Variants in MITF observed in about 807,000 individuals in gnomAD.
MITF encodes melanocyte inducing transcription factor.
MITF carries 17 observed loss-of-function variants against 60.5 expected under a neutral mutation model. That is an observed-to-expected ratio of 0.28 (90% CI 0.19 to 0.42). MITF has a LOEUF of 0.42. MITF is among the 10% of genes least tolerant of loss of function. MITF has a pLI of 1.00. For missense variants in MITF, 622 were observed against 683.5 expected (o/e 0.91, Z 1.00); for synonymous variants, 260 against 248.5 (o/e 1.05, Z -0.43).
intron 8 of MITF, among the ~76,000 whole-genome samples, chr3:69,958,573 TAAA>T (rs540808056): frequency 7.0e-6 from 1 of 142,820 alleles, no homozygotes; most frequent in African/African-American, 2.6e-5. Flanking sequence ...AATCCTTGAT[TAAA>T]AAAAAAAAAA....
At chr3:69,831,536 A>G (rs1373458220) in intron 1 of MITF, among the ~76,000 whole-genome samples, 1 of 152,184 alleles carries the variant, frequency 6.6e-6, no homozygotes, top group Admixed American at 6.5e-5. Context: ...TGGGTCCTCA[A>G]GACATATTTC....
rs1207755717 is a variant in MITF at position 69,739,613 on chromosome 3, G to A, written c.16G>A (p.Gly6Arg). 4 of 1,578,190 alleles carry A rather than the reference G, an allele frequency of 2.5e-6. No individual in the cohort carries two copies. Among genetic ancestry groups the A allele is most frequent in the Non-Finnish European group, 3.4e-6 (4 of 1,160,204 alleles). The change falls in exon 1 of 10, where the codon GGG (glycine) becomes AGG (arginine). Residue 6 changes from glycine (G) to arginine (R), a missense_variant. By Grantham distance (125) the Gly-to-Arg change is moderately radical. Around this residue, in one of 5 missense-constraint regions of MITF, gnomAD observed 149 missense variants for 157.8 expected, o/e 0.94. Transcript: ENST00000352241. MQSES[G>R]IVPDFEVGEE... ...AGCGGGAGCCATGCAGTCCGAATCG[G>A]GGATCGTGCCGGATTTCGAAGTCGG...
At chr3:69,842,152 T>G (rs2063649307) in intron 1 of MITF, among the ~76,000 whole-genome samples, 1 of 152,146 alleles carries the variant, frequency 6.6e-6, no homozygotes, top group Non-Finnish European at 1.5e-5. Flanking sequence ...CAAATAAGAT[T>G]TTATGTAAAA....
chr3:69,938,502 A>G, intron 3 of MITF: 1 of 1,459,492 alleles, frequency 6.9e-7, no homozygotes, highest in Non-Finnish European at 9.0e-7. Flanking sequence ...TTGGGGGAAG[A>G]AAGAATGGAA....
At chr3:69,938,695 C>T in intron 3 of MITF, 1 of 1,300,344 alleles carries the variant, frequency 7.7e-7, no homozygotes, top group Non-Finnish European at 9.8e-7. Flanking sequence ...TCAAAATTTG[C>T]AGCATACAAA....
rs745635782 is a variant in MITF at position 69,949,173 on chromosome 3, A to G, written c.880+5A>G. ...ACATAAAAAGGGAGCTCACAGGTAAACACCTAGTAAATGTGCCTCTTACTG... is the reference window on the plus strand; with the variant it reads ...ACATAAAAAGGGAGCTCACAGGTAAGCACCTAGTAAATGTGCCTCTTACTG... On this transcript the variant is annotated splice_donor_5th_base_variant and intron_variant, in intron 6 of 9. Coordinates refer to ENST00000352241, the MANE Select transcript of MITF (RefSeq NM_001354604.2). 1.3e-6 allele frequency: 2 copies of G among 1,593,528 alleles called. No homozygotes were observed. Among genetic ancestry groups the G allele is most frequent in the African/African-American group, 2.7e-5 (2 of 74,454 alleles).
At chr3:69,805,430 G>A (rs1476369023) in intron 1 of MITF, among the ~76,000 whole-genome samples, 2 of 151,422 alleles carry the variant, frequency 1.3e-5, no homozygotes, top group Admixed American at 6.6e-5. Context: ...ACCATCTCAT[G>A]TTATGGTAAA....
At chr3:69,921,249 A>T (rs941290795) in intron 2 of MITF, among the ~76,000 whole-genome samples, 1 of 152,238 alleles carries the variant, frequency 6.6e-6, no homozygotes, top group African/African-American at 2.4e-5. Context: ...TTGTAAGCTA[A>T]GCATTAGCCA....
At chr3:69,794,787 C>A (rs1465991355) in intron 1 of MITF, among the ~76,000 whole-genome samples, 1 of 152,210 alleles carries the variant, frequency 6.6e-6, no homozygotes, top group Non-Finnish European at 1.5e-5. Context: ...CCGAAAGAAT[C>A]CATTAGTCTG....
chr3:69,855,305 C>T (rs1156455048), intron 1 of MITF, among the ~76,000 whole-genome samples: 1 of 141,858 alleles, frequency 7.0e-6, no homozygotes, highest in African/African-American at 2.6e-5. Context: ...AAGTACATAT[C>T]TTTTTGAAAT....
intron 1 of MITF, among the ~76,000 whole-genome samples, chr3:69,867,695 A>G (rs938164462): frequency 6.6e-6 from 1 of 152,150 alleles, no homozygotes. Flanking sequence ...AATATACTCT[A>G]ACTTACTAAT....
intron 1 of MITF, among the ~76,000 whole-genome samples, chr3:69,793,034 A>T (rs1400489959): frequency 2.5e-5 from 2 of 80,184 alleles, no homozygotes; most frequent in East Asian, 5.8e-4. Context: ...TTTTTTTTAA[A>T]CAGGGTCTCC....
At chr3:69,957,657 T>C (rs2066432680) in intron 8 of MITF, among the ~76,000 whole-genome samples, 1 of 152,242 alleles carries the variant, frequency 6.6e-6, no homozygotes, top group African/African-American at 2.4e-5. Context: ...TTTCCTCTTC[T>C]TTATCAGCTT....
At chr3:69,824,941 G>T (rs1402417188) in intron 1 of MITF, among the ~76,000 whole-genome samples, 4 of 152,342 alleles carry the variant, frequency 2.6e-5, no homozygotes, top group African/African-American at 9.6e-5. Context: ...TGGGGATAAA[G>T]GCTCTCCCTT....
intron 1 of MITF, among the ~76,000 whole-genome samples, chr3:69,784,210 T>C (rs556126809): frequency 6.6e-6 from 1 of 152,254 alleles, no homozygotes; most frequent in African/African-American, 2.4e-5. Context: ...CCCACTATTT[T>C]CCATAGCAAA....
chr3:69,756,597 A>G (rs954378912), intron 1 of MITF, among the ~76,000 whole-genome samples: 8 of 152,268 alleles, frequency 5.3e-5, no homozygotes, highest in Middle Eastern at 6.8e-3. Context: ...ATAAACATAC[A>G]TGTACACGTG....
intron 1 of MITF, chr3:69,762,912 G>A (rs1174859477): frequency 8.9e-6 from 2 of 224,748 alleles, no homozygotes; most frequent in Non-Finnish European, 1.8e-5. Context: ...TCCTGGGGTT[G>A]GAGGTTTAAA....
chr3:69,937,309 A>T, intron 2 of MITF: 1 of 167,714 alleles, frequency 6.0e-6, no homozygotes, highest in South Asian at 1.5e-4. Flanking sequence ...TGATTTAATC[A>T]TTGGAAGATT....
At chr3:69,784,369 C>A (rs1330450130) in intron 1 of MITF, among the ~76,000 whole-genome samples, 1 of 152,032 alleles carries the variant, frequency 6.6e-6, no homozygotes, top group Middle Eastern at 3.2e-3. Flanking sequence ...ACATTTCTAA[C>A]GTTTATAGAG....
Sources: allele counts gnomAD v4.1 joint callset (sites outside exome capture counted in the v4.1 genomes callset), GRCh38; gene constraint gnomAD v4.1.1; regional missense constraint gnomAD v4.1.1; transcripts MANE v1.5; gene names NCBI Gene and HGNC (gene_info 2026-07-23, HGNC 2026-07-21).